The following WDR19 variants were observed in gnomAD, a reference collection of about 807,000 sequenced individuals.
The protein encoded by WDR19 is WD repeat domain 19.
Under a neutral mutation model 180.0 loss-of-function variants are expected in WDR19, and 121 were observed. The ratio of observed to expected loss-of-function variants is 0.67; its 90% CI spans 0.58 to 0.78. WDR19 has a LOEUF of 0.78. WDR19 is among the 30% of genes least tolerant of loss of function. The pLI is 0.00. For missense variants in WDR19, 1,450 were observed against 1,640.7 expected, an observed-to-expected ratio of 0.88 and a Z score of 2.01; for synonymous variants, 497 against 540.7, an observed-to-expected ratio of 0.92 and a Z score of 1.12.
intron 19 of WDR19, among the ~76,000 whole-genome samples, chr4:39,233,911 G>T (rs1016698444): frequency 2.6e-5 from 4 of 152,178 alleles, no homozygotes; most frequent in Non-Finnish European, 5.9e-5. Flanking sequence ...ATAATGGAGA[G>T]GGGTGATTAC....
chr4:39,243,265 A>G (rs530806003), intron 21 of WDR19, among the ~76,000 whole-genome samples: 2 of 152,310 alleles, frequency 1.3e-5, no homozygotes, highest in South Asian at 4.1e-4. Context: ...AAGAAATTGT[A>G]GTAATTCACA....
At chr4:39,227,130 C>A (rs1041088019) in intron 15 of WDR19, among the ~76,000 whole-genome samples, 1 of 152,178 alleles carries the variant, frequency 6.6e-6, no homozygotes, top group South Asian at 2.1e-4. Flanking sequence ...TATCTCAATT[C>A]GGACTTGGCA....
intron 3 of WDR19, among the ~76,000 whole-genome samples, chr4:39,187,793 C>A (rs1307580431): frequency 2.0e-5 from 3 of 152,158 alleles, no homozygotes; most frequent in South Asian, 2.1e-4. Flanking sequence ...GGTCTCATTT[C>A]TTCTGTATTG....
At chr4:39,234,667 A>C (rs1232189044) in intron 19 of WDR19, 99 bp from the exon 20 acceptor site, 1 of 756,410 alleles carries the variant, frequency 1.3e-6, no homozygotes, top group East Asian at 2.7e-5. Context: ...TATTTAAACA[A>C]AAAGGTTTTG....
At chr4:39,208,303 ATTTTTTTTT>A (rs34189923) in intron 9 of WDR19, among the ~76,000 whole-genome samples, 1 of 103,392 alleles carries the variant, frequency 9.7e-6, no homozygotes, top group African/African-American at 3.3e-5. Context: ...GACTGAGTGG[ATTTTTTTTT>A]TTTTTTTTTT....
chr4:39,199,361 G>A, intron 5 of WDR19, 117 bp from the exon 6 acceptor site: 3 of 739,432 alleles, frequency 4.1e-6, no homozygotes, highest in South Asian at 3.5e-5. Flanking sequence ...GACATTAACT[G>A]CTTTGATGAA....
intron 14 of WDR19, 60 bp downstream of exon 14, chr4:39,218,165 TCA>T: frequency 6.5e-7 from 1 of 1,544,934 alleles, no homozygotes; most frequent in Non-Finnish European, 8.8e-7. Flanking sequence ...TTTTGTGATC[TCA>T]GTCATTCTCT....
chr4:39,235,642 T>G (rs1731299843), intron 20 of WDR19, among the ~76,000 whole-genome samples: 1 of 152,148 alleles, frequency 6.6e-6, no homozygotes, highest in Non-Finnish European at 1.5e-5. Context: ...AAATGGGACT[T>G]AATTAAACTA....
In WDR19 at chr4:39,270,001, TCTC is replaced by T; in HGVS notation, c.3385_3387del (p.Leu1129del). On this transcript the variant is annotated inframe_deletion, in exon 31 of 37. Coordinates refer to ENST00000399820, the MANE Select transcript of WDR19 (RefSeq NM_025132.4). ...GCAACTACCGGAATGCACACGATGT[TCTC>T]TTCAGTATGTATGCAGAACTGAAAT... is the stretch of plus-strand genomic sequence containing the variant. 1 of 1,613,898 alleles carries T rather than the reference TCTC, an allele frequency of 6.2e-7. No homozygotes were observed. The highest frequency in any genetic ancestry group is 8.5e-7 in the Non-Finnish European group (1 of 1,179,846).
chr4:39,234,774 G>T lies in WDR19; in HGVS notation c.2262G>T (p.Arg754Ser), dbSNP rs976523838. ...CTTTCTCTTCTTAACAGATGAGAAG[G>T]GATTTACAGCATTGGGACAGTGCTC... The part of the protein sequence containing the change: ...SCPIAALEMR[R>S]DLQHWDSALQ... Residue 754 changes from arginine (R) to serine (S), a missense_variant, in exon 20 of 37, where the codon AGG (arginine) becomes AGT (serine). Transcript: ENST00000399820. The T allele has an allele frequency of 1.3e-6, 2 of 1,574,828 alleles. No individual in the cohort carries two copies. The highest frequency in any genetic ancestry group is 2.7e-5 in the African/African-American group (2 of 74,080).
At position 39,205,152 on chromosome 4, in the gene WDR19, A is replaced by C; in HGVS notation, c.604-2A>C. ...TCACAATCTCCTAATCTTTTCTGGCAGATAAGTGTGGTGCTTGGCAAGAAA... is the reference window on the plus strand; with the variant it reads ...TCACAATCTCCTAATCTTTTCTGGCCGATAAGTGTGGTGCTTGGCAAGAAA... On this transcript the variant is annotated splice_acceptor_variant, in intron 7 of 36. Coordinates refer to ENST00000399820, the MANE Select transcript of WDR19 (RefSeq NM_025132.4). LOFTEE classifies it high-confidence loss of function. 1 of 1,571,174 alleles carries C rather than the reference A, an allele frequency of 6.4e-7. No individual in the cohort carries two copies. Among genetic ancestry groups the C allele is most frequent in the Non-Finnish European group, 8.7e-7 (1 of 1,155,670 alleles).
intron 28 of WDR19, among the ~76,000 whole-genome samples, chr4:39,258,552 T>C (rs1287662548): frequency 6.6e-6 from 1 of 152,188 alleles, no homozygotes; most frequent in African/African-American, 2.4e-5. Flanking sequence ...TTGAGTTGTC[T>C]CCAGTTTGGG....
chr4:39,269,560 A>G (rs1214650673), intron 30 of WDR19, among the ~76,000 whole-genome samples: 1 of 152,198 alleles, frequency 6.6e-6, no homozygotes, highest in African/African-American at 2.4e-5. Context: ...AAAATAGGAA[A>G]TCTGGCCGGT....
intron 14 of WDR19, among the ~76,000 whole-genome samples, chr4:39,220,919 C>A (rs958685845): frequency 4.0e-4 from 49 of 122,494 alleles, no homozygotes; most frequent in Admixed American, 4.4e-4. Context: ...ACTGGGTCTC[C>A]CTTTGTTGCT....
chr4:39,279,881 T>G (rs1415253139), intron 36 of WDR19, among the ~76,000 whole-genome samples: 2 of 151,994 alleles, frequency 1.3e-5, no homozygotes, highest in Non-Finnish European at 2.9e-5. Flanking sequence ...TTTTGTATTT[T>G]TAGTGGAGAC....
At chr4:39,249,180 A>T (rs1295336118) in intron 24 of WDR19, among the ~76,000 whole-genome samples, 1 of 151,848 alleles carries the variant, frequency 6.6e-6, no homozygotes, top group South Asian at 2.1e-4. Flanking sequence ...AGAACTCAGG[A>T]TTAAGAAACT....
Position 39,232,227 on chromosome 4 carries a change from T to C in WDR19, c.2208T>C (p.Ala736=), listed in dbSNP as rs1309267600. The change falls in exon 19 of 37, where the codon GCT becomes GCC. Residue 736 remains alanine, a synonymous_variant. Coordinates refer to ENST00000399820, the MANE Select transcript of WDR19 (RefSeq NM_025132.4). ...TGTTTACCAACGATTATAACCTGGC[T>C]CAGGACTTGTACCTTGCATCCAGCT... is the stretch of plus-strand genomic sequence containing the variant. ...LAMFTNDYNL[A]QDLYLASSCP... is the part of the protein sequence containing the mutation. 3.7e-6 allele frequency: 6 copies of C among 1,613,792 alleles called. No individual in the cohort carries two copies. Among genetic ancestry groups the C allele is most frequent in the Non-Finnish European group, 5.1e-6 (6 of 1,179,794 alleles).
Position 39,245,424 on chromosome 4 carries a change from T to C in WDR19, c.2701T>C (p.Tyr901His), listed in dbSNP as rs1426232037. The C allele has an allele frequency of 1.2e-6, 2 of 1,613,816 alleles. No homozygotes were observed. Among genetic ancestry groups the C allele is most frequent in the Non-Finnish European group, 8.5e-7 (1 of 1,179,824 alleles). ...HVSSPKIHLQ[Y>H]AKAKEADGRY... is the part of the protein sequence containing the mutation. ...TTCTTCTCCTAAGATCCATTTGCAGTATGCCAAAGCCAAGGAAGCAGATGG... is the reference window on the plus strand; with the variant it reads ...TTCTTCTCCTAAGATCCATTTGCAGCATGCCAAAGCCAAGGAAGCAGATGG... Residue 901 changes from tyrosine to histidine, a missense_variant, in exon 24 of 37, where the codon TAT (tyrosine) becomes CAT (histidine). Coordinates refer to ENST00000399820, the MANE Select transcript of WDR19 (RefSeq NM_025132.4).
chr4:39,231,947 A>G lies in WDR19; in HGVS notation c.2133A>G (p.Glu711=), dbSNP rs183312975. 3 of 1,613,068 alleles carry G rather than the reference A, an allele frequency of 1.9e-6. No individual in the cohort carries two copies. In the African/African-American group the frequency reaches 4.0e-5, roughly 21 times the overall value. ...IGNVGIVMSL[E]QIKGIEDYNL... ...ATGTTGGCATAGTGATGTCCTTGGA[A>G]CAAATAAAGGTAAACAGCATGTTAT... Residue 711 remains glutamate, a synonymous_variant, in exon 18 of 37, where the codon GAA becomes GAG. Coordinates refer to ENST00000399820, the MANE Select transcript of WDR19 (RefSeq NM_025132.4).
Sources: allele counts gnomAD v4.1 joint callset (sites outside exome capture counted in the v4.1 genomes callset), GRCh38; gene constraint gnomAD v4.1.1; transcripts MANE v1.5; gene names NCBI Gene and HGNC (gene_info 2026-07-23, HGNC 2026-07-21).